The following PCDHGA11 variants were observed in gnomAD, a reference collection of about 807,000 sequenced individuals.
PCDHGA11 encodes protocadherin gamma subfamily A, 11.
PCDHGA11 carries 39 observed loss-of-function variants against 60.4 expected under a neutral mutation model. That is an observed-to-expected ratio of 0.65 (90% CI 0.50 to 0.84). The LOEUF is 0.84. Ranked by LOEUF, PCDHGA11 falls within the 40% of genes least tolerant of loss-of-function variation. The pLI, the probability that PCDHGA11 is intolerant of heterozygous loss-of-function variation, is 0.00. For synonymous variants in PCDHGA11, 533 were observed against 510.3 expected (o/e 1.04, Z -0.60); for missense variants, 1,165 against 1,197.7 (o/e 0.97, Z 0.40).
intron 1 of PCDHGA11, among the ~76,000 whole-genome samples, chr5:141,460,120 A>C (rs1404213559): frequency 1.3e-5 from 2 of 151,956 alleles, no homozygotes; most frequent in Non-Finnish European, 2.9e-5. Flanking sequence ...ATTTTTATAT[A>C]TGTAATATAT....
intron 1 of PCDHGA11, chr5:141,478,214 C>T (rs1258200424): frequency 6.2e-7 from 1 of 1,614,140 alleles, no homozygotes; most frequent in Admixed American, 1.7e-5. Flanking sequence ...TTCTCTAATC[C>T]TGGTTTCTGT....
chr5:141,464,068 C>A (rs2099075218), intron 1 of PCDHGA11, among the ~76,000 whole-genome samples: 1 of 152,036 alleles, frequency 6.6e-6, no homozygotes, highest in Admixed American at 6.6e-5. Flanking sequence ...AGTTCAAGGC[C>A]AGCCTGGCCA....
In PCDHGA11 at chr5:141,477,013, T is replaced by A. The variant is rs1285961519; in HGVS notation, c.2434-17794T>A. On this transcript the variant is annotated intron_variant, in intron 1 of 3. Coordinates refer to ENST00000398587, the MANE Select transcript of PCDHGA11 (RefSeq NM_018914.3). This position sits in a 1 kb window ranked among gnomAD's most constrained non-coding sequence, Gnocchi z 4.9. ...TGCGGCAACTATTCGCCTTAGACCT[T>A]GTAACCGGGATGCTGACAATCAAGG... is the stretch of plus-strand genomic sequence containing the variant. 6.2e-7 allele frequency: 1 copy of A among 1,614,204 alleles called. No individual in the cohort carries two copies. The highest frequency in any genetic ancestry group is 2.2e-5 in the East Asian group (1 of 44,878).
In PCDHGA11 at chr5:141,432,039, G is replaced by A; in HGVS notation, c.2433+8379G>A. 1 of 1,614,176 alleles carries A rather than the reference G, an allele frequency of 6.2e-7. No individual in the cohort carries two copies. The highest frequency in any genetic ancestry group is 8.5e-7 in the Non-Finnish European group (1 of 1,180,028). ...AACATCACAGTGACCGCCACTGACC[G>A]GGGAACCCCGCCCCTATCCACGGAA... On this transcript the variant is annotated intron_variant, in intron 1 of 3. Coordinates refer to ENST00000398587, the MANE Select transcript of PCDHGA11 (RefSeq NM_018914.3). This position sits in a 1 kb window ranked among gnomAD's most constrained non-coding sequence, Gnocchi z 6.0.
At position 141,421,847 on chromosome 5, in the gene PCDHGA11, C is replaced by G; in HGVS notation, c.620C>G (p.Ala207Gly). The change falls in exon 1 of 4, where the codon GCT (alanine) becomes GGT (glycine). Residue 207 changes from alanine to glycine, a missense_variant. By Grantham distance (60) the Ala-to-Gly change is moderately conservative. Transcript: ENST00000398587. ...GGAAGCCTGGACCGAGAGAAAGAGG[C>G]TGCTCACCTGCTCCTCCTCACAGCT... The part of the protein sequence containing the change: ...LEGSLDREKE[A>G]AHLLLLTALD... 6.2e-7 allele frequency: 1 copy of G among 1,613,752 alleles called. No homozygotes were observed. Among genetic ancestry groups the G allele is most frequent in the Non-Finnish European group, 8.5e-7 (1 of 1,179,884 alleles).
chr5:141,487,595 G>C lies in PCDHGA11; in HGVS notation c.2434-7212G>C. ...TGTTCGCCCAAGCTGCCCACCCTCT[G>C]ATCTTCTCTATGGGCTAGAGGTGAG... On this transcript the variant is annotated intron_variant, in intron 1 of 3. Coordinates refer to ENST00000398587, the MANE Select transcript of PCDHGA11 (RefSeq NM_018914.3). The surrounding 1 kb of genome is among the most constrained non-coding windows in gnomAD (Gnocchi z 5.0). 1 of 1,614,202 alleles carries C rather than the reference G, an allele frequency of 6.2e-7. No homozygotes were observed. The highest frequency in any genetic ancestry group is 8.5e-7 in the Non-Finnish European group (1 of 1,180,038).
Position 141,491,536 on chromosome 5 carries a change from C to T in PCDHGA11, c.2434-3271C>T, listed in dbSNP as rs746800813. 1.2e-6 allele frequency: 2 copies of T among 1,614,006 alleles called. No individual in the cohort carries two copies. Among genetic ancestry groups the T allele is most frequent in the Admixed American group, 3.3e-5 (2 of 60,030 alleles). On this transcript the variant is annotated intron_variant, in intron 1 of 3. Coordinates refer to ENST00000398587, the MANE Select transcript of PCDHGA11 (RefSeq NM_018914.3). This position sits in a 1 kb window ranked among gnomAD's most constrained non-coding sequence, Gnocchi z 6.9. ...CAAGTACATGGAGGTGACGCTGCGG[C>T]CCACAGACTCGCAGAGCCACTGCTA...
chr5:141,491,293 C>T lies in PCDHGA11; in HGVS notation c.2434-3514C>T. On this transcript the variant is annotated intron_variant, in intron 1 of 3. Transcript: ENST00000398587. This position sits in a 1 kb window ranked among gnomAD's most constrained non-coding sequence, Gnocchi z 6.9. Reference sequence around the variant, plus strand: ...ATCCAGTGACTTCCTCATACACCCTCCTGAGCGTTCAGACCTTACCCTTTA... The same window carrying T: ...ATCCAGTGACTTCCTCATACACCCTTCTGAGCGTTCAGACCTTACCCTTTA... 6.2e-7 allele frequency: 1 copy of T among 1,614,166 alleles called. No homozygotes were observed. The highest frequency in any genetic ancestry group is 1.3e-5 in the African/African-American group (1 of 75,058).
chr5:141,495,109 C>A (rs1445945970), intron 2 of PCDHGA11, among the ~76,000 whole-genome samples: 3 of 152,278 alleles, frequency 2.0e-5, no homozygotes, highest in South Asian at 2.1e-4. Context: ...CGACCGGCAC[C>A]TTTTCCTATC....
chr5:141,502,173 T>C (rs1377892969), intron 2 of PCDHGA11, among the ~76,000 whole-genome samples: 2 of 152,178 alleles, frequency 1.3e-5, no homozygotes, highest in African/African-American at 4.8e-5. Flanking sequence ...AGTTGAGGAA[T>C]TTAACATTAA....
intron 1 of PCDHGA11, among the ~76,000 whole-genome samples, chr5:141,446,545 C>T (rs903831454): frequency 4.6e-5 from 7 of 151,914 alleles, no homozygotes; most frequent in African/African-American, 1.7e-4. Context: ...GGCCCTATCT[C>T]TGCTCACTGC....
At chr5:141,474,807 A>C (rs945920397) in intron 1 of PCDHGA11, among the ~76,000 whole-genome samples, 8 of 152,364 alleles carry the variant, frequency 5.3e-5, no homozygotes, top group Admixed American at 1.3e-4. Context: ...AGTGGTTTGC[A>C]TCATTAATTG....
intron 1 of PCDHGA11, among the ~76,000 whole-genome samples, chr5:141,470,717 A>G (rs1353989037): frequency 6.6e-6 from 1 of 152,010 alleles, no homozygotes; most frequent in Non-Finnish European, 1.5e-5. Flanking sequence ...TATTTTTTTG[A>G]GTCAGGGTCT....
rs752954707 is a variant in PCDHGA11 at position 141,476,801 on chromosome 5, C to T, written c.2434-18006C>T. The T allele has an allele frequency of 6.2e-7, 1 of 1,613,586 alleles. No individual in the cohort carries two copies. Among genetic ancestry groups the T allele is most frequent in the Non-Finnish European group, 8.5e-7 (1 of 1,180,020 alleles). On this transcript the variant is annotated intron_variant, in intron 1 of 3. Coordinates refer to ENST00000398587, the MANE Select transcript of PCDHGA11 (RefSeq NM_018914.3). This position sits in a 1 kb window ranked among gnomAD's most constrained non-coding sequence, Gnocchi z 7.6. Reference sequence around the variant, plus strand: ...GACCCCAGCTCTCTCCGCCAGCCTGCCTATTCACATCAAGGTGCTGGACGC... The same window carrying T: ...GACCCCAGCTCTCTCCGCCAGCCTGTCTATTCACATCAAGGTGCTGGACGC...
At chr5:141,481,638 T>G (rs1465682432) in intron 1 of PCDHGA11, among the ~76,000 whole-genome samples, 1 of 152,014 alleles carries the variant, frequency 6.6e-6, no homozygotes, top group Admixed American at 6.6e-5. Context: ...GCCAACATGG[T>G]GAAACTTCAT....
intron 1 of PCDHGA11, among the ~76,000 whole-genome samples, chr5:141,433,641 G>A (rs1177387884): frequency 6.6e-6 from 1 of 152,104 alleles, no homozygotes; most frequent in Non-Finnish European, 1.5e-5. Flanking sequence ...TTTGAGACCA[G>A]CCTGACCAAC....
intron 2 of PCDHGA11, among the ~76,000 whole-genome samples, chr5:141,504,741 T>C (rs968590796): frequency 2.6e-5 from 4 of 151,826 alleles, no homozygotes; most frequent in South Asian, 2.1e-4. Context: ...TAGGAAGCCA[T>C]TGAATTTTAG....
chr5:141,441,370 C>A (rs1378574921), intron 1 of PCDHGA11: 1 of 152,672 alleles, frequency 6.5e-6, no homozygotes, highest in African/African-American at 2.4e-5. Flanking sequence ...GGGCCGTGGA[C>A]CAGGAACAGA....
rs181202785 is a variant in PCDHGA11, at chr5:141,458,320, G to A, written c.2433+34660G>A. On this transcript the variant is annotated intron_variant, in intron 1 of 3. Transcript: ENST00000398587. ...TTTAGATAAAATGACACAGACACAT[G>A]TGGAGTGGTTTTAAGGAGTGGAGAG... is the stretch of plus-strand genomic sequence containing the variant. Among the ~76,000 whole-genome samples the A allele has an allele frequency of 3.2e-3, 490 of 152,250 alleles. 4 individuals are homozygous for A. The highest frequency in any genetic ancestry group is 0.017 in the Middle Eastern group (5 of 294).
Sources: allele counts gnomAD v4.1 joint callset (sites outside exome capture counted in the v4.1 genomes callset), GRCh38; gene constraint gnomAD v4.1.1; non-coding constraint Gnocchi (gnomAD v3.1); transcripts MANE v1.5; gene names NCBI Gene and HGNC (gene_info 2026-07-23, HGNC 2026-07-21).